Variants in UBE3D observed in about 807,000 individuals in gnomAD.
UBE3D encodes E3 ubiquitin-protein ligase E3D.
A neutral mutation model predicts 49.6 loss-of-function variants in UBE3D; 48 were observed. The observed-to-expected ratio is 0.97, with a 90% confidence interval of 0.77 to 1.23. The LOEUF (loss-of-function observed/expected upper bound fraction) is 1.23. UBE3D is among the 50% of genes most tolerant of loss of function. The pLI, the probability that UBE3D is intolerant of heterozygous loss-of-function variation, is 0.00. For missense variants in UBE3D, 452 were observed against 468.4 expected (o/e 0.96, Z 0.32); for synonymous variants, 189 against 174.2 (o/e 1.08, Z -0.67).
rs1358407345 is a variant in UBE3D, at chr6:83,004,504, G to A, written c.1010+14469C>T. ...CTGAAGTTTAAGTATATCCCACACT[G>A]CAAAGTCAGTGTACCCAATTGGGAT... is the stretch of plus-strand genomic sequence containing the variant. On this transcript the variant is annotated intron_variant, in intron 8 of 9. Transcript: ENST00000369747. Among the ~76,000 whole-genome samples, 3 of 152,126 alleles carry A rather than the reference G, an allele frequency of 2.0e-5. No homozygotes were observed. The East Asian group carries it at 5.8e-4, about 29-fold the overall frequency.
intron 9 of UBE3D, among the ~76,000 whole-genome samples, chr6:82,901,329 G>A (rs745966623): frequency 6.6e-6 from 1 of 152,066 alleles, no homozygotes; most frequent in African/African-American, 2.4e-5. Flanking sequence ...GGGAGAGGGT[G>A]GTATTGACTG....
intron 9 of UBE3D, among the ~76,000 whole-genome samples, chr6:82,903,994 G>A (rs933944395): frequency 5.3e-5 from 8 of 152,156 alleles, no homozygotes; most frequent in Non-Finnish European, 8.8e-5. Context: ...CAAGGACAGT[G>A]TAGGGTATGG....
chr6:83,000,921 C>T (rs967026320), intron 8 of UBE3D, among the ~76,000 whole-genome samples: 15 of 151,888 alleles, frequency 9.9e-5, no homozygotes, highest in African/African-American at 3.1e-4. Context: ...CTCGGCTTAC[C>T]GCAACCTCCG....
intron 8 of UBE3D, among the ~76,000 whole-genome samples, chr6:82,998,005 G>GA (rs1779365004): frequency 6.6e-6 from 1 of 152,116 alleles, no homozygotes; most frequent in African/African-American, 2.4e-5. Flanking sequence ...GACATGGAGA[G>GA]AAAATGACAA....
chr6:82,973,923 G>A (rs1269256570), intron 8 of UBE3D, among the ~76,000 whole-genome samples: 1 of 152,112 alleles, frequency 6.6e-6, no homozygotes, highest in African/African-American at 2.4e-5. Flanking sequence ...GATCTAGGTT[G>A]CGCACTCCTT....
intron 3 of UBE3D, among the ~76,000 whole-genome samples, chr6:83,051,775 A>G (rs1783485644): frequency 6.6e-6 from 1 of 152,226 alleles, no homozygotes; most frequent in Non-Finnish European, 1.5e-5. Context: ...CCTCCTCTGC[A>G]AATTTAAAGT....
At chr6:82,925,477 G>A (rs138711168) in intron 9 of UBE3D, among the ~76,000 whole-genome samples, 28 of 152,212 alleles carry the variant, frequency 1.8e-4, no homozygotes, top group African/African-American at 6.3e-4. Context: ...TTAGACACTC[G>A]GCTCAGGATT....
chr6:82,936,501 T>A (rs975318635), intron 9 of UBE3D, among the ~76,000 whole-genome samples: 1 of 151,246 alleles, frequency 6.6e-6, no homozygotes, highest in African/African-American at 2.4e-5. Context: ...CAGGTTTTGT[T>A]TTTTTTTTAA....
At chr6:83,060,088 T>G (rs1538357) in intron 1 of UBE3D, among the ~76,000 whole-genome samples, 17 of 152,302 alleles carry the variant, frequency 1.1e-4, no homozygotes, top group African/African-American at 4.1e-4. Flanking sequence ...AGAACTCATC[T>G]AAATCTAACT....
In UBE3D at chr6:83,040,527, G is replaced by A. The variant is rs144497686; in HGVS notation, c.598-2042C>T. On this transcript the variant is annotated intron_variant, in intron 4 of 9. Transcript: ENST00000369747. ...ACACATGCAACTAGTAAAAAAATCC[G>A]TAAATGCCTACAGCTCTTCTATTTA... 3.8e-3 allele frequency among the ~76,000 whole-genome samples: 580 copies of A among 152,138 alleles called. 3 individuals are homozygous for A. The highest frequency in any genetic ancestry group is 6.3e-3 in the Non-Finnish European group (429 of 68,012).
chr6:83,025,036 C>T (rs1781359142), intron 5 of UBE3D, among the ~76,000 whole-genome samples: 1 of 152,134 alleles, frequency 6.6e-6, no homozygotes, highest in Admixed American at 6.5e-5. Flanking sequence ...TTTTAGCAGG[C>T]TTGCTATCTA....
intron 9 of UBE3D, among the ~76,000 whole-genome samples, chr6:82,954,219 T>C (rs1219473788): frequency 6.6e-6 from 1 of 152,202 alleles, no homozygotes; most frequent in Non-Finnish European, 1.5e-5. Context: ...AGTCCATCCA[T>C]CTTCTTGGGA....
chr6:82,949,606 T>A (rs1775645101), intron 9 of UBE3D, among the ~76,000 whole-genome samples: 1 of 152,140 alleles, frequency 6.6e-6, no homozygotes, highest in African/African-American at 2.4e-5. Context: ...TTACCTCACT[T>A]CAAATTATAC....
intron 9 of UBE3D, among the ~76,000 whole-genome samples, chr6:82,900,291 CA>C (rs1431252632): frequency 6.6e-6 from 1 of 152,146 alleles, no homozygotes; most frequent in Non-Finnish European, 1.5e-5. Flanking sequence ...GTGCCTTTAG[CA>C]GCAAAACCAT....
intron 9 of UBE3D, among the ~76,000 whole-genome samples, chr6:82,898,730 G>A (rs983018803): frequency 5.3e-5 from 8 of 152,154 alleles, no homozygotes; most frequent in African/African-American, 1.9e-4. Flanking sequence ...TAATGTAGGT[G>A]AAGGGTTGAT....
At position 83,022,578 on chromosome 6, in the gene UBE3D, C is replaced by A; in HGVS notation, c.738-17G>T. 6.5e-7 allele frequency: 1 copy of A among 1,539,246 alleles called. No homozygotes were observed. Among genetic ancestry groups the A allele is most frequent in the South Asian group, 1.2e-5 (1 of 80,482 alleles). On this transcript the variant is annotated splice_polypyrimidine_tract_variant and intron_variant, in intron 6 of 9. Coordinates refer to ENST00000369747, the MANE Select transcript of UBE3D (RefSeq NM_198920.3). ...AACCAAGACCTGTTTGAACAGAAAT[C>A]AATTTTTACAATGTGTATCTCATAA... is the stretch of plus-strand genomic sequence containing the variant.
intron 1 of UBE3D, 120 bp from the exon 2 acceptor site, chr6:83,058,142 G>C (rs1035011489): frequency 1.0e-6 from 1 of 969,736 alleles, no homozygotes; most frequent in African/African-American, 1.6e-5. Flanking sequence ...TAAAGTCACT[G>C]CCCCAGAAAA....
intron 8 of UBE3D, among the ~76,000 whole-genome samples, chr6:82,967,029 T>A (rs1429264964): frequency 6.6e-6 from 1 of 152,196 alleles, no homozygotes; most frequent in Non-Finnish European, 1.5e-5. Flanking sequence ...ATTAATCTTT[T>A]ATTTCCATTC....
At chr6:82,915,749 AGAT>A (rs1772873757) in intron 9 of UBE3D, among the ~76,000 whole-genome samples, 1 of 152,224 alleles carries the variant, frequency 6.6e-6, no homozygotes, top group Admixed American at 6.5e-5. Context: ...TAAAAGTGTA[AGAT>A]GATAATCCTC....
Sources: allele counts gnomAD v4.1 joint callset (sites outside exome capture counted in the v4.1 genomes callset), GRCh38; gene constraint gnomAD v4.1.1; transcripts MANE v1.5; gene names NCBI Gene and HGNC (gene_info 2026-07-23, HGNC 2026-07-21).